The following RGS6 variants were observed in gnomAD, a reference collection of about 807,000 sequenced individuals.
The protein encoded by RGS6 is regulator of G protein signaling 6.
Under a neutral mutation model 78.5 loss-of-function variants are expected in RGS6, and 30 were observed. The ratio of observed to expected loss-of-function variants is 0.38; its 90% CI spans 0.29 to 0.52. The LOEUF (loss-of-function observed/expected upper bound fraction) is 0.52, where lower values mean the gene tolerates loss of function less well. Among genes scored for constraint, RGS6 ranks in the 20% least tolerant of loss-of-function variants. RGS6 has a pLI of 0.85. For missense variants in RGS6, 495 were observed against 609.7 expected, an observed-to-expected ratio of 0.81 and a Z score of 1.98; for synonymous variants, 206 against 206.0, an observed-to-expected ratio of 1.00 and a Z score of 0.00.
intron 3 of RGS6, among the ~76,000 whole-genome samples, chr14:72,406,141 C>G (rs181759277): frequency 6.6e-6 from 1 of 152,298 alleles, no homozygotes; most frequent in African/African-American, 2.4e-5. Context: ...AATCCCAGCA[C>G]TTTGGGAGGC....
At chr14:72,237,223 A>G (rs2051334819) in intron 2 of RGS6, among the ~76,000 whole-genome samples, 1 of 152,222 alleles carries the variant, frequency 6.6e-6, no homozygotes, top group Admixed American at 6.5e-5. Context: ...TTGTGTGAAT[A>G]TGCCACAATT....
rs55665622 is a variant in RGS6, at chr14:72,262,732, C to G, written c.85-89363C>G. ...CCAATTACCTGTGAAATTTTCTTTT[C>G]CAAATGACCGAAACTCAACTCAAAC... On this transcript the variant is annotated intron_variant, in intron 2 of 17. Coordinates refer to ENST00000553525, the MANE Select transcript of RGS6 (RefSeq NM_001204424.2). Among the ~76,000 whole-genome samples the G allele has an allele frequency of 9.9e-3, 1,510 of 152,282 alleles. 31 individuals are homozygous for G. The highest frequency in any genetic ancestry group is 0.034 in the African/African-American group (1,425 of 41,544).
At chr14:72,582,551 C>G in the RGS6 span, among the ~76,000 whole-genome samples, 4 of 152,028 alleles carry the variant, frequency 2.6e-5, no homozygotes, top group Non-Finnish European at 5.9e-5. Flanking sequence ...ATATGAAAAC[C>G]AAACATGCAA....
intron 2 of RGS6, among the ~76,000 whole-genome samples, chr14:72,024,201 C>A (rs1386232380): frequency 6.6e-6 from 1 of 152,190 alleles, no homozygotes; most frequent in African/African-American, 2.4e-5. Flanking sequence ...TTCTTAAGAA[C>A]AGGAGGAAAT....
intron 2 of RGS6, among the ~76,000 whole-genome samples, chr14:72,229,281 C>G (rs2048935080): frequency 6.9e-6 from 1 of 144,860 alleles, no homozygotes; most frequent in African/African-American, 2.5e-5. Flanking sequence ...CACCCCTTGG[C>G]CCCTACCACC....
intron 2 of RGS6, chr14:72,022,636 T>G (rs1480223001): frequency 1.3e-5 from 2 of 152,222 alleles, no homozygotes; most frequent in African/African-American, 4.8e-5. Flanking sequence ...ATCCACAGGC[T>G]CCTTCCAGCC....
At chr14:72,133,481 G>A (rs900693463) in intron 2 of RGS6, among the ~76,000 whole-genome samples, 2 of 152,106 alleles carry the variant, frequency 1.3e-5, no homozygotes, top group Admixed American at 6.5e-5. Context: ...GAACAATTAA[G>A]TCTACTATTA....
chr14:72,455,294 A>T (rs538013938), intron 4 of RGS6, among the ~76,000 whole-genome samples: 1 of 152,342 alleles, frequency 6.6e-6, no homozygotes, highest in East Asian at 1.9e-4. Flanking sequence ...GGTCACATTT[A>T]TAAAGATCCA....
At chr14:72,014,663 G>A (rs903527916) in intron 2 of RGS6, among the ~76,000 whole-genome samples, 15 of 152,304 alleles carry the variant, frequency 9.8e-5, no homozygotes, top group East Asian at 1.9e-4. Context: ...AATAGTCCAA[G>A]CCTACAGAAC....
At chr14:72,102,299 T>A (rs1388700194) in intron 2 of RGS6, among the ~76,000 whole-genome samples, 1 of 152,282 alleles carries the variant, frequency 6.6e-6, no homozygotes, top group East Asian at 1.9e-4. Context: ...TATCTTCTGC[T>A]TTACCAAAAT....
chr14:72,523,661 G>A (rs1484201161), intron 15 of RGS6, among the ~76,000 whole-genome samples: 1 of 152,156 alleles, frequency 6.6e-6, no homozygotes, highest in African/African-American at 2.4e-5. Flanking sequence ...CGTGGGCCCA[G>A]CATTTGTACT....
intron 2 of RGS6, among the ~76,000 whole-genome samples, chr14:72,347,582 TAATAA>T: frequency 6.6e-6 from 1 of 152,218 alleles, no homozygotes; most frequent in Non-Finnish European, 1.5e-5. Context: ...AATGGGGATA[TAATAA>T]TCTACCTCCT....
chr14:72,196,133 G>C (rs2040071266), intron 2 of RGS6, among the ~76,000 whole-genome samples: 1 of 152,144 alleles, frequency 6.6e-6, no homozygotes, highest in South Asian at 2.1e-4. Flanking sequence ...CGAAAGCAGA[G>C]ATGCGAGAGA....
chr14:72,416,355 T>C (rs2093808689), intron 3 of RGS6, among the ~76,000 whole-genome samples: 1 of 152,210 alleles, frequency 6.6e-6, no homozygotes, highest in South Asian at 2.1e-4. Context: ...TCTCCTTTTC[T>C]TCTTGTCCCC....
intron 15 of RGS6, among the ~76,000 whole-genome samples, chr14:72,530,825 T>C (rs558278669): frequency 6.6e-6 from 1 of 152,338 alleles, no homozygotes; most frequent in Admixed American, 6.5e-5. Context: ...CTGAGTGTAA[T>C]CCTCATTCTC....
intron 12 of RGS6, among the ~76,000 whole-genome samples, chr14:72,482,229 C>G (rs1313779468): frequency 2.0e-5 from 3 of 152,174 alleles, no homozygotes; most frequent in Admixed American, 2.0e-4. Context: ...CAGTAGTCTT[C>G]TATTATGCTT....
intron 17 of RGS6, 128 bp downstream of exon 17, chr14:72,540,222 C>A: frequency 6.5e-7 from 1 of 1,527,372 alleles, no homozygotes. Context: ...GTGCTTTCTC[C>A]CTCGACTCAG....
chr14:72,070,150 GTCTC>G (rs953791903), intron 2 of RGS6, among the ~76,000 whole-genome samples: 1 of 151,622 alleles, frequency 6.6e-6, no homozygotes, highest in Non-Finnish European at 1.5e-5. Context: ...CTCTCTCTCT[GTCTC>G]TCTCTGTGTG....
chr14:71,992,509 A>G (rs2095005150), intron 2 of RGS6, among the ~76,000 whole-genome samples: 1 of 150,612 alleles, frequency 6.6e-6, no homozygotes, highest in African/African-American at 2.4e-5. Flanking sequence ...TAGTGTAGGT[A>G]TTATTCTTTC....
Sources: gnomAD v4.1 joint callset for allele counts (sites outside exome capture counted in the v4.1 genomes callset) on GRCh38, gnomAD v4.1.1 for gene constraint, MANE v1.5 for transcripts, NCBI Gene and HGNC (gene_info 2026-07-23, HGNC 2026-07-21) for gene names.